Variants in CD302 observed in about 807,000 individuals in gnomAD.
CD302 encodes the protein CD302 antigen.
CD302 carries 23 observed loss-of-function variants against 26.5 expected under a neutral mutation model. That is an observed-to-expected ratio of 0.87 (90% CI 0.62 to 1.23). The LOEUF is 1.23. Among genes scored for constraint, CD302 ranks in the 50% most tolerant of loss-of-function variants. CD302 has a pLI of 0.00. For synonymous variants in CD302, 90 were observed against 99.4 expected, an observed-to-expected ratio of 0.91 and a Z score of 0.56; for missense variants, 290 against 275.5, an observed-to-expected ratio of 1.05 and a Z score of -0.37.
rs1708151026 is a variant in CD302, at chr2:159,771,709, A to G, written c.*142T>C. 4 of 939,478 alleles carry G rather than the reference A, an allele frequency of 4.3e-6. No homozygotes were observed. The East Asian group carries it at 1.1e-4, about 25-fold the overall frequency. The allele number at this position is 939,478 out of a possible 1,614,324, so 58.2% of individuals were successfully genotyped here. A position where few individuals can be genotyped will look rare whatever the true frequency, so the allele number is the denominator to read the frequency against. ...AATGAACCTAAAGACTTTTCACAGC[A>G]GATGAGTACATAAAAATGTTACTGG... On this transcript the variant is annotated 3_prime_UTR_variant, in exon 6 of 6. Transcript: ENST00000259053.
chr2:159,771,856 C>A lies in CD302; in HGVS notation c.694G>T (p.Asp232Tyr). ...AGTGCAAGATTACCAAAAACTTAGT[C>A]AAATTGAACAGGATATTCATTTTCT... ...GEENEYPVQF[D>Y] The change falls in exon 6 of 6, where the codon GAC becomes TAC. Residue 232 changes from aspartate (D) to tyrosine (Y), a missense_variant. Physicochemically the swap from Asp to Tyr is radical, Grantham distance 160 (BLOSUM62 -3). Coordinates refer to ENST00000259053, the MANE Select transcript of CD302 (RefSeq NM_014880.5). The A allele has an allele frequency of 1.9e-6, 3 of 1,613,488 alleles. No individual in the cohort carries two copies. In the South Asian group the frequency reaches 3.3e-5, roughly 18 times the overall value.
In CD302 at chr2:159,771,952, G is replaced by T. The variant is rs34068933; in HGVS notation, c.598C>A (p.Arg200Ser). 8.8e-3 allele frequency: 14,247 copies of T among 1,613,896 alleles called. 794 individuals carry two copies. The African/African-American group carries it at 0.14, about 16-fold the overall frequency. Reference protein sequence around the residue: ...WFLYKKHSDSRFTTVFSTAPQ... With the variant: ...WFLYKKHSDSSFTTVFSTAPQ... ...GCGGTTGAAAAAACTGTGGTGAAAC[G>T]AGAATCAGAATGTTTTTTGTACAGG... is the stretch of plus-strand genomic sequence containing the variant. Residue 200 changes from arginine (R) to serine (S), a missense_variant, in exon 6 of 6, where the codon CGT (arginine) becomes AGT (serine). Transcript: ENST00000259053.
rs1181778819 is a variant in CD302, at chr2:159,784,345, GCTTTTT to G, written c.68-882_68-877del. Among the ~76,000 whole-genome samples the G allele has an allele frequency of 1.6e-4, 14 of 89,474 alleles. No homozygotes were observed. The East Asian group carries it at 4.1e-3, about 26-fold the overall frequency. The allele number at this position is 89,474 out of a possible 152,430, so 58.7% of individuals were successfully genotyped here. On this transcript the variant is annotated intron_variant, in intron 1 of 5. Transcript: ENST00000259053. ...GTAGCAATTTTATGTTTTAAGTTCTGCTTTTTTTTTTTTTTTTTTTTTTTTTTTGAG... is the reference window on the plus strand; with the variant it reads ...GTAGCAATTTTATGTTTTAAGTTCTGTTTTTTTTTTTTTTTTTTTTTTGAG...
In CD302 at chr2:159,771,836, A is replaced by G. The variant is rs1312444621; in HGVS notation, c.*15T>C. 1 of 1,613,066 alleles carries G rather than the reference A, an allele frequency of 6.2e-7. No homozygotes were observed. The highest frequency in any genetic ancestry group is 8.5e-7 in the Non-Finnish European group (1 of 1,179,240). Reference sequence around the variant, plus strand: ...GGGCATTTTGTTGATGTCTTAGTGCAAGATTACCAAAAACTTAGTCAAATT... The same window carrying G: ...GGGCATTTTGTTGATGTCTTAGTGCGAGATTACCAAAAACTTAGTCAAATT... On this transcript the variant is annotated 3_prime_UTR_variant, in exon 6 of 6. Coordinates refer to ENST00000259053, the MANE Select transcript of CD302 (RefSeq NM_014880.5).
Position 159,780,122 on chromosome 2 carries a change from G to C in CD302, c.352C>G (p.Gln118Glu). 1 of 1,613,862 alleles carries C rather than the reference G, an allele frequency of 6.2e-7. No homozygotes were observed. Among genetic ancestry groups the C allele is most frequent in the Non-Finnish European group, 8.5e-7 (1 of 1,179,928 alleles). Residue 118 changes from glutamine (Q) to glutamate (E), a missense_variant, in exon 4 of 6, where the codon CAA (glutamine) becomes GAA (glutamate). By Grantham distance (29) the Gln-to-Glu change is conservative. Coordinates refer to ENST00000259053, the MANE Select transcript of CD302 (RefSeq NM_014880.5). ...TCAACTAAATCCTCATCATCATCTT[G>C]GTCTGTCCACTTATCAAATGTCATA... ...SNMTFDKWTD[Q>E]DDDEDLVDTC...
rs980789471 is a variant in CD302 at position 159,770,333 on chromosome 2, G to A, written c.*1518C>T. The A allele has an allele frequency of 6.6e-6, 1 of 151,898 alleles. No individual in the cohort carries two copies. The highest frequency in any genetic ancestry group is 2.4e-5 in the African/African-American group (1 of 41,230). The allele number at this position is 151,898 out of a possible 1,614,324, so 9.4% of individuals were successfully genotyped here. A position where few individuals can be genotyped will look rare whatever the true frequency, so the allele number is the denominator to read the frequency against. On this transcript the variant is annotated 3_prime_UTR_variant, in exon 6 of 6. Coordinates refer to ENST00000259053, the MANE Select transcript of CD302 (RefSeq NM_014880.5). ...TTGTGTAACAGCTGGTGTAATGCCT[G>A]CATTTTCAGTACCATGTAGCCGCAC...
In CD302 at chr2:159,784,972, C is replaced by CTTT. The variant is rs35915930; in HGVS notation, c.68-1506_68-1504dup. 7.0e-4 allele frequency among the ~76,000 whole-genome samples: 78 copies of CTTT among 111,688 alleles called. 1 individual carries two copies. Among genetic ancestry groups the CTTT allele is most frequent in the Non-Finnish European group, 1.1e-3 (62 of 54,874 alleles). 73.3% of individuals were successfully genotyped at this position (111,688 alleles called of 152,430 possible). Reference sequence around the variant, plus strand: ...AGTGTGCTCCCTGTATCCGTACAGACTTTTTTTTTTTTTTTTTTTTGAGAC... The same window carrying CTTT: ...AGTGTGCTCCCTGTATCCGTACAGACTTTTTTTTTTTTTTTTTTTTTTTGAGAC... On this transcript the variant is annotated intron_variant, in intron 1 of 5. Coordinates refer to ENST00000259053, the MANE Select transcript of CD302 (RefSeq NM_014880.5).
At position 159,770,761 on chromosome 2, in the gene CD302, AG is replaced by A. The variant is rs1452093052; in HGVS notation, c.*1089del. The A allele has an allele frequency of 6.6e-6, 1 of 152,172 alleles. No homozygotes were observed. Among genetic ancestry groups the A allele is most frequent in the Admixed American group, 6.5e-5 (1 of 15,274 alleles). 9.4% of individuals were successfully genotyped at this position (152,172 alleles called of 1,614,324 possible). On this transcript the variant is annotated 3_prime_UTR_variant, in exon 6 of 6. Transcript: ENST00000259053. The stretch of plus-strand genomic sequence containing the variant: ...ATGCTGTGTAGGTTTGGGACAAAAT[AG>A]GCTCTACCATCTGGGTTTGTGTAAA...
At position 159,777,963 on chromosome 2, in the gene CD302, G is replaced by T. The variant is rs1396654338; in HGVS notation, c.471C>A (p.Ile157=). The T allele has an allele frequency of 1.0e-6, 1 of 969,584 alleles. No homozygotes were observed. Among genetic ancestry groups the T allele is most frequent in the Non-Finnish European group, 1.5e-6 (1 of 676,994 alleles). The allele number at this position is 969,584 out of a possible 1,614,324, so 60.1% of individuals were successfully genotyped here. ...SVEGTLCKTA[I]PYKRKYLSDN... ...CTGATAAATATTTCCTTTTGTATGG[G>T]ACTAAAATACAAAAGAAAATAAAAA... is the stretch of plus-strand genomic sequence containing the variant. Residue 157 remains isoleucine (I), a splice_region_variant and synonymous_variant, in exon 5 of 6, where the codon ATC becomes ATA. Transcript: ENST00000259053.
rs1708156773 is a variant in CD302 at position 159,771,870 on chromosome 2, T to C, written c.680A>G (p.Tyr227Cys). Residue 227 changes from tyrosine (Y) to cysteine (C), a missense_variant, in exon 6 of 6, where the codon TAT (tyrosine) becomes TGT (cysteine). Tyr to Cys is a radical substitution (Grantham distance 194). Transcript: ENST00000259053. ...AAAAACTTAGTCAAATTGAACAGGA[T>C]ATTCATTTTCTTCTCCAACTACCAA... ...CVLVVGEENEYPVQFD is the reference protein window; with the variant it reads ...CVLVVGEENECPVQFD 2 of 1,613,942 alleles carry C rather than the reference T, an allele frequency of 1.2e-6. No individual in the cohort carries two copies. The highest frequency in any genetic ancestry group is 1.7e-6 in the Non-Finnish European group (2 of 1,179,872).
chr2:159,776,853 C>T (rs561353573), intron 5 of CD302, among the ~76,000 whole-genome samples: 2 of 152,216 alleles, frequency 1.3e-5, no homozygotes, highest in South Asian at 4.2e-4. Context: ...TTACAGGCGC[C>T]CGCCACCGTG....
intron 1 of CD302, among the ~76,000 whole-genome samples, chr2:159,785,351 T>C (rs1341519552): frequency 6.6e-6 from 1 of 152,140 alleles, no homozygotes; most frequent in African/African-American, 2.4e-5. Context: ...ATGACTACCT[T>C]GGGTTTAACT....
intron 1 of CD302, among the ~76,000 whole-genome samples, chr2:159,790,731 A>G (rs1708784599): frequency 6.6e-6 from 1 of 152,216 alleles, no homozygotes; most frequent in Non-Finnish European, 1.5e-5. Context: ...TGACACCTGA[A>G]ACACTTTTAT....
At chr2:159,779,458 T>C (rs1708442510) in intron 4 of CD302, among the ~76,000 whole-genome samples, 1 of 152,074 alleles carries the variant, frequency 6.6e-6, no homozygotes, top group South Asian at 2.1e-4. Flanking sequence ...TAATAATTCC[T>C]CTGAACAAGA....
At position 159,798,165 on chromosome 2, in the gene CD302, G is replaced by GC; in HGVS notation, c.33dup (p.Pro12AlafsTer47). 1 of 1,482,312 alleles carries GC rather than the reference G, an allele frequency of 6.7e-7. No homozygotes were observed. Among genetic ancestry groups the GC allele is most frequent in the Non-Finnish European group, 8.9e-7 (1 of 1,122,178 alleles). 91.8% of individuals were successfully genotyped at this position (1,482,312 alleles called of 1,614,324 possible). A position where few individuals can be genotyped will look rare whatever the true frequency, so the allele number is the denominator to read the frequency against. ...GCAGCAGCGGCGAGGCCCAGCAACG[G>GC]CAGCAGGAGCGCGGGCAGCGCGGCC... is the stretch of plus-strand genomic sequence containing the variant. On this transcript the variant is annotated frameshift_variant, in exon 1 of 6. Coordinates refer to ENST00000259053, the MANE Select transcript of CD302 (RefSeq NM_014880.5). LOFTEE classifies it high-confidence loss of function.
At chr2:159,774,183 T>G (rs929467700) in intron 5 of CD302, among the ~76,000 whole-genome samples, 1 of 152,254 alleles carries the variant, frequency 6.6e-6, no homozygotes, top group Middle Eastern at 3.4e-3. Flanking sequence ...CTTTGTGGAC[T>G]CAAAGCTTTC....
chr2:159,783,584 T>C (rs911123610), intron 1 of CD302, 115 bp from the exon 2 acceptor site: 2 of 674,536 alleles, frequency 3.0e-6, no homozygotes, highest in Non-Finnish European at 4.5e-6. Flanking sequence ...GGCAATTTCC[T>C]TTGTTAAATC....
intron 1 of CD302, among the ~76,000 whole-genome samples, chr2:159,793,261 T>G (rs1198728244): frequency 6.6e-6 from 1 of 152,172 alleles, no homozygotes; most frequent in Non-Finnish European, 1.5e-5. Flanking sequence ...TCATGAATAT[T>G]TTAAAAGCTG....
chr2:159,775,766 A>T (rs1708295984), intron 5 of CD302, among the ~76,000 whole-genome samples: 1 of 152,102 alleles, frequency 6.6e-6, no homozygotes, highest in African/African-American at 2.4e-5. Context: ...GTACCTATTA[A>T]ACTCCCATTT....
Sources: gnomAD v4.1 joint callset for allele counts (sites outside exome capture counted in the v4.1 genomes callset) on GRCh38, gnomAD v4.1.1 for gene constraint, MANE v1.5 for transcripts, NCBI Gene and HGNC (gene_info 2026-07-23, HGNC 2026-07-21) for gene names.